RCBTB1: variants seen among roughly 807,000 people sequenced by gnomAD.
RCBTB1 encodes RCC1 and BTB domain-containing protein 1.
RCBTB1 carries 46 observed loss-of-function variants against 62.4 expected under a neutral mutation model. That is an observed-to-expected ratio of 0.74 (90% CI 0.58 to 0.94). RCBTB1 has a LOEUF of 0.94. Ranked by LOEUF, RCBTB1 falls within the 40% of genes least tolerant of loss-of-function variation. The probability of loss-of-function intolerance (pLI) is 0.00; values close to 1 mark genes in which losing one functional copy is unlikely to be tolerated. For synonymous variants in RCBTB1, 222 were observed against 245.8 expected (o/e 0.90, Z 0.91); for missense variants, 565 against 654.9 (o/e 0.86, Z 1.50).
At chr13:49,563,257 T>G (rs9568265) in intron 4 of RCBTB1, among the ~76,000 whole-genome samples, 1 of 137,934 alleles carries the variant, frequency 7.2e-6, no homozygotes, top group Non-Finnish European at 1.5e-5. Flanking sequence ...AAAAATGAGG[T>G]GGGAAGATCG....
chr13:49,548,590 GGT>G lies in RCBTB1; in HGVS notation c.1045+866_1045+867del, dbSNP rs560964556. Among the ~76,000 whole-genome samples the G allele has an allele frequency of 2.4e-4, 11 of 45,050 alleles. No individual in the cohort carries two copies. The South Asian group carries it at 6.6e-3, about 27-fold the overall frequency. The allele number at this position is 45,050 out of a possible 152,430, so 29.6% of individuals were successfully genotyped here. A position where few individuals can be genotyped will look rare whatever the true frequency, so the allele number is the denominator to read the frequency against. On this transcript the variant is annotated intron_variant, in intron 9 of 12. Transcript: ENST00000378302. ...AACAGTTAAGTGACAAACAAAATATGGTGTATATATATATAATGGAATATTAT... is the reference window on the plus strand; with the variant it reads ...AACAGTTAAGTGACAAACAAAATATGGTATATATATATAATGGAATATTAT...
At chr13:49,567,049 T>C in intron 3 of RCBTB1, 105 bp downstream of exon 3, 1 of 1,069,472 alleles carries the variant, frequency 9.4e-7, no homozygotes, top group Non-Finnish European at 1.4e-6. Flanking sequence ...AACTTCAGGA[T>C]CTCTTTATTT....
chr13:49,549,888 C>G (rs922345155), intron 8 of RCBTB1: 2 of 985,286 alleles, frequency 2.0e-6, no homozygotes, highest in African/African-American at 1.7e-5. Context: ...ATCACACAGA[C>G]CGCCGAGGAA....
Position 49,560,069 on chromosome 13 carries a change from G to A in RCBTB1, c.293C>T (p.Ala98Val), listed in dbSNP as rs2139232775. 1.2e-6 allele frequency: 2 copies of A among 1,613,452 alleles called. No homozygotes were observed. Among genetic ancestry groups the A allele is most frequent in the Middle Eastern group, 1.6e-4 (1 of 6,062 alleles). The change falls in exon 5 of 13, where the codon GCC becomes GTC. Residue 98 changes from alanine to valine, a missense_variant. By Grantham distance (64) the Ala-to-Val change is moderately conservative. Transcript: ENST00000378302. ...CTGGCTATATCCATTGTGGCCCCAG[G>A]CATAAACCACTCCATCTGTGCACAC... is the stretch of plus-strand genomic sequence containing the variant. ...LLSTEDGVVY[A>V]WGHNGYSQLG...
chr13:49,569,181 A>C (rs1963228503), intron 2 of RCBTB1, among the ~76,000 whole-genome samples: 2 of 152,196 alleles, frequency 1.3e-5, no homozygotes, highest in Non-Finnish European at 2.9e-5. Flanking sequence ...CCTTTTGTGC[A>C]AAGTGCCTAT....
intron 1 of RCBTB1, among the ~76,000 whole-genome samples, chr13:49,585,040 G>C (rs942911551): frequency 6.6e-6 from 1 of 152,192 alleles, no homozygotes; most frequent in African/African-American, 2.4e-5. Flanking sequence ...ACGAAGGAGA[G>C]ATGCTAAGAT....
rs756775673 is a variant in RCBTB1 at position 49,534,275 on chromosome 13, C to A, written c.1456-13G>T. ...ATTCTTCTAAATCCTGGACACACAA[C>A]AAAAATAAAAACAAAAATGGCTTTT... On this transcript the variant is annotated splice_polypyrimidine_tract_variant and intron_variant, in intron 12 of 12. Transcript: ENST00000378302. 1.9e-6 allele frequency: 3 copies of A among 1,601,214 alleles called. No individual in the cohort carries two copies. The highest frequency in any genetic ancestry group is 2.6e-6 in the Non-Finnish European group (3 of 1,173,420).
At chr13:49,575,252 A>G (rs1475526881) in intron 2 of RCBTB1, among the ~76,000 whole-genome samples, 1 of 152,000 alleles carries the variant, frequency 6.6e-6, no homozygotes, top group East Asian at 1.9e-4. Context: ...AGTCAAAAAC[A>G]AAAGATATTG....
Position 49,559,996 on chromosome 13 carries a change from A to G in RCBTB1, c.366T>C (p.Cys122=), listed in dbSNP as rs1346737575. 6.2e-7 allele frequency: 1 copy of G among 1,614,076 alleles called. No individual in the cohort carries two copies. Among genetic ancestry groups the G allele is most frequent in the Non-Finnish European group, 8.5e-7 (1 of 1,180,016 alleles). Residue 122 remains cysteine, a synonymous_variant, in exon 5 of 13, where the codon TGT becomes TGC. Coordinates refer to ENST00000378302, the MANE Select transcript of RCBTB1 (RefSeq NM_018191.4). ...CCACTTGCTTGATCAAGAGATTGGT[A>G]CAGACCTGGACGGGAGCAATGCCTT... ...TNQGIAPVQV[C]TNLLIKQVVE... is the part of the protein sequence containing the mutation.
At chr13:49,573,285 A>G (rs1308826276) in intron 2 of RCBTB1, among the ~76,000 whole-genome samples, 1 of 152,166 alleles carries the variant, frequency 6.6e-6, no homozygotes, top group Non-Finnish European at 1.5e-5. Context: ...TACAGGTGGC[A>G]TCATTTTCTT....
intron 1 of RCBTB1, among the ~76,000 whole-genome samples, chr13:49,581,006 G>A (rs1197563342): frequency 6.6e-6 from 1 of 152,184 alleles, no homozygotes; most frequent in African/African-American, 2.4e-5. Context: ...GCAGGCGCCT[G>A]CAACAGTGAG....
rs36063817 is a variant in RCBTB1 at position 49,539,165 on chromosome 13, AT to A, written c.1455+1710del. The stretch of plus-strand genomic sequence containing the variant: ...ACAGGCGTGATCTCCAAGCCTGGCC[AT>A]TTTTTTTTTTTTAAGCACACCTTCA... On this transcript the variant is annotated intron_variant, in intron 12 of 12. Coordinates refer to ENST00000378302, the MANE Select transcript of RCBTB1 (RefSeq NM_018191.4). Among the ~76,000 whole-genome samples the A allele has an allele frequency of 8.0e-3, 742 of 92,246 alleles. 2 individuals are homozygous for A. Among genetic ancestry groups the A allele is most frequent in the African/African-American group, 0.019 (656 of 34,878 alleles). The allele number at this position is 92,246 out of a possible 152,430, so 60.5% of individuals were successfully genotyped here. A position where few individuals can be genotyped will look rare whatever the true frequency, so the allele number is the denominator to read the frequency against.
intron 12 of RCBTB1, among the ~76,000 whole-genome samples, chr13:49,536,977 T>C (rs1326656276): frequency 2.0e-5 from 3 of 152,222 alleles, no homozygotes; most frequent in African/African-American, 7.2e-5. Context: ...TTTTCTTTAG[T>C]AACAAAACAA....
rs1964354719 is a variant in RCBTB1, at chr13:49,585,447, C to A, written c.-125G>T. 1.3e-5 allele frequency: 2 copies of A among 152,278 alleles called. No individual in the cohort carries two copies. Among genetic ancestry groups the A allele is most frequent in the South Asian group, 2.1e-4 (1 of 4,836 alleles). 9.4% of individuals were successfully genotyped at this position (152,278 alleles called of 1,614,324 possible). On this transcript the variant is annotated 5_prime_UTR_variant, in exon 1 of 13. Coordinates refer to ENST00000378302, the MANE Select transcript of RCBTB1 (RefSeq NM_018191.4). ...CGACCCCGCGCCCACACGCTACCTGCGAGGTCAGCTGCTGCCGCGCCGTCC... is the reference window on the plus strand; with the variant it reads ...CGACCCCGCGCCCACACGCTACCTGAGAGGTCAGCTGCTGCCGCGCCGTCC...
chr13:49,565,230 T>C (rs1320635456), intron 4 of RCBTB1, among the ~76,000 whole-genome samples: 1 of 152,202 alleles, frequency 6.6e-6, no homozygotes, highest in African/African-American at 2.4e-5. Context: ...TTGGCCGGGT[T>C]GGTCTCCAGC....
chr13:49,540,167 T>A (rs987902234), intron 12 of RCBTB1, among the ~76,000 whole-genome samples: 2 of 152,212 alleles, frequency 1.3e-5, no homozygotes, highest in African/African-American at 4.8e-5. Context: ...TAAGGTACTA[T>A]CTTCATCCAG....
Position 49,549,594 on chromosome 13 carries a change from C to G in RCBTB1, c.909G>C (p.Gln303His). 3.1e-6 allele frequency: 5 copies of G among 1,614,096 alleles called. No homozygotes were observed. The highest frequency in any genetic ancestry group is 4.2e-6 in the Non-Finnish European group (5 of 1,179,960). ...GGCCCCACATGTACACGTGCCCACC[C>G]TGCGTCTTGGCTGCAGACGTGTGGG... is the stretch of plus-strand genomic sequence containing the variant. Reference protein sequence around the residue: ...HSAHTSAAKTQGGHVYMWGQC... With the variant: ...HSAHTSAAKTHGGHVYMWGQC... Residue 303 changes from glutamine to histidine, a missense_variant, in exon 9 of 13, where the codon CAG (glutamine) becomes CAC (histidine). Gln to His is a conservative substitution (Grantham distance 24). Coordinates refer to ENST00000378302, the MANE Select transcript of RCBTB1 (RefSeq NM_018191.4).
At chr13:49,542,971 G>A (rs911322378) in intron 10 of RCBTB1, among the ~76,000 whole-genome samples, 8 of 152,160 alleles carry the variant, frequency 5.3e-5, no homozygotes, top group African/African-American at 1.9e-4. Flanking sequence ...AAGAGAAAAA[G>A]TATTCTGAGG....
At chr13:49,580,417 T>G (rs7337571) in intron 2 of RCBTB1, 88 bp downstream of exon 2, 92,563 of 151,812 alleles carry the variant, frequency 0.61, 28,758 homozygotes, top group Non-Finnish European at 0.69. Context: ...AGACTCCATT[T>G]CCTTAAAAAT....
Sources: allele counts gnomAD v4.1 joint callset (sites outside exome capture counted in the v4.1 genomes callset), GRCh38; gene constraint gnomAD v4.1.1; transcripts MANE v1.5; gene names NCBI Gene and HGNC (gene_info 2026-07-23, HGNC 2026-07-21).